Variants in DNAJC13 observed in about 807,000 individuals in gnomAD.
The protein encoded by DNAJC13 is dnaJ homolog subfamily C member 13.
Under a neutral mutation model 290.5 loss-of-function variants are expected in DNAJC13, and 75 were observed. The ratio of observed to expected loss-of-function variants is 0.26; its 90% CI spans 0.21 to 0.31. The LOEUF (loss-of-function observed/expected upper bound fraction) is 0.31. Among genes scored for constraint, DNAJC13 ranks in the 10% least tolerant of loss-of-function variants. The probability of loss-of-function intolerance (pLI) is 1.00; values close to 1 mark genes in which losing one functional copy is unlikely to be tolerated. For missense variants in DNAJC13, 2,260 were observed against 2,674.5 expected, an observed-to-expected ratio of 0.85 and a Z score of 3.42; for synonymous variants, 862 against 892.0, an observed-to-expected ratio of 0.97 and a Z score of 0.60.
In DNAJC13 at chr3:132,514,610, A is replaced by C; in HGVS notation, c.5425A>C (p.Asn1809His). The change falls in exon 46 of 56, where the codon AAT (asparagine) becomes CAT (histidine). Residue 1809 changes from asparagine (N) to histidine (H), a missense_variant. Asn to His is a moderately conservative substitution (Grantham distance 68). Transcript: ENST00000260818. ...IVTSNQDCVN[N>H]IAESMVLSSL... Reference sequence around the variant, plus strand: ...GACATCTAACCAAGACTGTGTCAACAATATTGCTGAATCAATGGTTTTGTC... The same window carrying C: ...GACATCTAACCAAGACTGTGTCAACCATATTGCTGAATCAATGGTTTTGTC... 6.2e-7 allele frequency: 1 copy of C among 1,612,074 alleles called. No individual in the cohort carries two copies. The highest frequency in any genetic ancestry group is 8.5e-7 in the Non-Finnish European group (1 of 1,179,028).
chr3:132,519,861 G>C (rs1327366789), intron 48 of DNAJC13, among the ~76,000 whole-genome samples: 1 of 152,148 alleles, frequency 6.6e-6, no homozygotes, highest in Non-Finnish European at 1.5e-5. Context: ...ATTTACAAAA[G>C]AAAGAGGTTT....
At chr3:132,463,607 TCA>T in intron 16 of DNAJC13, 87 bp from the exon 17 acceptor site, 1 of 1,431,822 alleles carries the variant, frequency 7.0e-7, no homozygotes, top group Non-Finnish European at 9.3e-7. Flanking sequence ...AATGTTTTTT[TCA>T]TTTAAATATG....
In DNAJC13 at chr3:132,490,884, T is replaced by C; in HGVS notation, c.3469-13T>C. The C allele has an allele frequency of 6.5e-7, 1 of 1,549,196 alleles. No homozygotes were observed. Among genetic ancestry groups the C allele is most frequent in the Non-Finnish European group, 8.7e-7 (1 of 1,151,924 alleles). ...GTGTTTTTGACTACCTTTTGTTTTGTTTTGTTTTGAAGACAAAAGGACAAG... is the reference window on the plus strand; with the variant it reads ...GTGTTTTTGACTACCTTTTGTTTTGCTTTGTTTTGAAGACAAAAGGACAAG... On this transcript the variant is annotated splice_polypyrimidine_tract_variant and intron_variant, in intron 31 of 55. Coordinates refer to ENST00000260818, the MANE Select transcript of DNAJC13 (RefSeq NM_015268.4).
At chr3:132,526,115 A>T in intron 52 of DNAJC13, 26 bp from the exon 53 acceptor site, 1 of 1,613,116 alleles carries the variant, frequency 6.2e-7, no homozygotes, top group Non-Finnish European at 8.5e-7. Context: ...CCAGTCTACA[A>T]GTAACCTTCT....
At chr3:132,522,224 A>G (rs1298049094) in intron 48 of DNAJC13, among the ~76,000 whole-genome samples, 2 of 152,170 alleles carry the variant, frequency 1.3e-5, no homozygotes, top group East Asian at 3.9e-4. Flanking sequence ...AAGGAAAAAC[A>G]CTTTCCCAAC....
At chr3:132,484,285 A>G (rs1934779830) in intron 28 of DNAJC13, 9 of 424,532 alleles carry the variant, frequency 2.1e-5, no homozygotes, top group South Asian at 1.5e-4. Flanking sequence ...CTTTGGGGGA[A>G]AATACCCACT....
At position 132,467,347 on chromosome 3, in the gene DNAJC13, C is replaced by T. The variant is rs936986812; in HGVS notation, c.2208+34C>T. On this transcript the variant is annotated intron_variant, in intron 20 of 55. Coordinates refer to ENST00000260818, the MANE Select transcript of DNAJC13 (RefSeq NM_015268.4). ...AAAATTTGCTTCCAAATTCCTGGCA[C>T]TTCTGTGTGTCCTAGTCTACTTTAG... is the stretch of plus-strand genomic sequence containing the variant. 13 of 1,609,660 alleles carry T rather than the reference C, an allele frequency of 8.1e-6. No individual in the cohort carries two copies. The East Asian group carries it at 2.2e-4, about 28-fold the overall frequency.
chr3:132,532,912 A>AATAATTATTATTATTATTATT (rs1553753686), intron 55 of DNAJC13, among the ~76,000 whole-genome samples: 6 of 141,846 alleles, frequency 4.2e-5, no homozygotes, highest in Non-Finnish European at 7.5e-5. Flanking sequence ...TAATTTTTGT[A>AATAATTATTATTATTATTATT]ATTATTATTA....
chr3:132,484,810 T>A, intron 29 of DNAJC13, 138 bp downstream of exon 29: 1 of 746,010 alleles, frequency 1.3e-6, no homozygotes, highest in East Asian at 2.7e-5. Flanking sequence ...GTCTCACACC[T>A]CCAATCCCAG....
intron 21 of DNAJC13, chr3:132,474,294 G>T (rs1934388419): frequency 6.6e-6 from 1 of 152,238 alleles, no homozygotes; most frequent in Admixed American, 6.5e-5. Context: ...AGGCTGGAGT[G>T]CAATGGCGTG....
At chr3:132,499,373 G>A in intron 37 of DNAJC13, 63 bp downstream of exon 37, 1 of 1,357,066 alleles carries the variant, frequency 7.4e-7, no homozygotes, top group Non-Finnish European at 9.9e-7. Flanking sequence ...ACTCTTGGCA[G>A]TGAAGAATTC....
intron 41 of DNAJC13, among the ~76,000 whole-genome samples, chr3:132,504,315 T>G (rs1221427355): frequency 5.9e-5 from 9 of 151,860 alleles, no homozygotes; most frequent in South Asian, 2.1e-4. Flanking sequence ...TACTGGTTTT[T>G]TTTTTTTTTT....
In DNAJC13 at chr3:132,508,812, A is replaced by G. The variant is rs778167870; in HGVS notation, c.5115+1459A>G. 2.0e-3 allele frequency among the ~76,000 whole-genome samples: 300 copies of G among 152,330 alleles called. 3 individuals are homozygous for G. Among genetic ancestry groups the G allele is most frequent in the Non-Finnish European group, 4.6e-4 (31 of 68,034 alleles). On this transcript the variant is annotated intron_variant, in intron 43 of 55. Transcript: ENST00000260818. ...TGCTAAATCTGCCTGTGCTCTATAAATGGAAGAACAAAGCCTATATGACAA... is the reference window on the plus strand; with the variant it reads ...TGCTAAATCTGCCTGTGCTCTATAAGTGGAAGAACAAAGCCTATATGACAA...
intron 2 of DNAJC13, among the ~76,000 whole-genome samples, chr3:132,437,170 C>T (rs1251995181): frequency 3.3e-5 from 5 of 152,138 alleles, no homozygotes; most frequent in Admixed American, 6.6e-5. Context: ...TGAGCCACTG[C>T]GCTCAGCCAA....
At chr3:132,517,314 G>A (rs1250470390) in intron 48 of DNAJC13, among the ~76,000 whole-genome samples, 1 of 152,156 alleles carries the variant, frequency 6.6e-6, no homozygotes, top group African/African-American at 2.4e-5. Flanking sequence ...GGAGATAACC[G>A]GATGATCTCT....
At chr3:132,522,758 G>C in intron 48 of DNAJC13, 70 bp from the exon 49 acceptor site, 1 of 1,291,012 alleles carries the variant, frequency 7.7e-7, no homozygotes, top group Non-Finnish European at 1.1e-6. Flanking sequence ...TATCTTATTA[G>C]CAAAATACAA....
chr3:132,449,111 A>C (rs1324008422), intron 5 of DNAJC13, among the ~76,000 whole-genome samples: 2 of 152,176 alleles, frequency 1.3e-5, no homozygotes, highest in Non-Finnish European at 2.9e-5. Flanking sequence ...CATCAGGAGT[A>C]AGGGGCTCAA....
rs1322978902 is a variant in DNAJC13, at chr3:132,434,559, A to C, written c.9A>C (p.Ile3=). 1 of 1,612,410 alleles carries C rather than the reference A, an allele frequency of 6.2e-7. No homozygotes were observed. The highest frequency in any genetic ancestry group is 2.2e-5 in the East Asian group (1 of 44,818). ...CCAGGTTTGAGCACAAAATGAACATAATTAGGGAAAATAAGGATCTGGCAT... is the reference window on the plus strand; with the variant it reads ...CCAGGTTTGAGCACAAAATGAACATCATTAGGGAAAATAAGGATCTGGCAT... MN[I]IRENKDLACF... is the part of the protein sequence containing the mutation. The change falls in exon 2 of 56, where the codon ATA becomes ATC. Residue 3 remains isoleucine (I), a synonymous_variant. Transcript: ENST00000260818.
chr3:132,506,700 T>TATC (rs1935603968), intron 42 of DNAJC13, among the ~76,000 whole-genome samples: 1 of 151,726 alleles, frequency 6.6e-6, no homozygotes. Context: ...TACAGGCATG[T>TATC]ATCACCACGC....
Sources: gnomAD v4.1 joint callset for allele counts (sites outside exome capture counted in the v4.1 genomes callset) on GRCh38, gnomAD v4.1.1 for gene constraint, MANE v1.5 for transcripts, NCBI Gene and HGNC (gene_info 2026-07-23, HGNC 2026-07-21) for gene names.